Variants in MECOM observed in about 807,000 individuals in gnomAD.
MECOM encodes the protein MDS1 and EVI1 complex locus.
A neutral mutation model predicts 116.3 loss-of-function variants in MECOM; 13 were observed. The ratio of observed to expected loss-of-function variants is 0.11; its 90% CI spans 0.07 to 0.18. MECOM has a LOEUF of 0.18. Among genes scored for constraint, MECOM ranks in the 10% least tolerant of loss-of-function variants. The probability of loss-of-function intolerance (pLI) is 1.00; values close to 1 mark genes in which losing one functional copy is unlikely to be tolerated. For synonymous variants in MECOM, 528 were observed against 535.2 expected, an observed-to-expected ratio of 0.99 and a Z score of 0.19; for missense variants, 1,299 against 1,509.0, an observed-to-expected ratio of 0.86 and a Z score of 2.31.
chr3:169,319,796 G>A (rs921624170), intron 2 of MECOM, among the ~76,000 whole-genome samples: 1 of 152,226 alleles, frequency 6.6e-6, no homozygotes, highest in African/African-American at 2.4e-5. Flanking sequence ...GGGTTGTTGT[G>A]TGAACTAAAT....
chr3:169,402,382 G>A (rs1369141014), intron 1 of MECOM, among the ~76,000 whole-genome samples: 2 of 152,324 alleles, frequency 1.3e-5, no homozygotes, highest in East Asian at 3.9e-4. Context: ...AGACAGTAAT[G>A]AGGCTGCAGA....
chr3:169,527,494 C>T (rs1342287772), intron 1 of MECOM, among the ~76,000 whole-genome samples: 1 of 152,180 alleles, frequency 6.6e-6, no homozygotes, highest in African/African-American at 2.4e-5. Context: ...TAGTATTAAT[C>T]TAAACGTGAT....
chr3:169,554,037 C>G (rs1457067594), intron 1 of MECOM, among the ~76,000 whole-genome samples: 2 of 152,170 alleles, frequency 1.3e-5, no homozygotes, highest in East Asian at 1.9e-4. Flanking sequence ...CCCAGCCTCC[C>G]TTGCATTTAG....
intron 1 of MECOM, among the ~76,000 whole-genome samples, chr3:169,572,788 T>C (rs540627523): frequency 6.7e-6 from 1 of 149,672 alleles, no homozygotes; most frequent in East Asian, 2.0e-4. Context: ...TGAGAACACA[T>C]GGACACAGGG....
At chr3:169,367,847 C>T (rs537146689) in intron 2 of MECOM, among the ~76,000 whole-genome samples, 67 of 152,104 alleles carry the variant, frequency 4.4e-4, no homozygotes, top group African/African-American at 1.5e-3. Context: ...GGTTCCTAGG[C>T]ATGTATATTC....
intron 1 of MECOM, among the ~76,000 whole-genome samples, chr3:169,458,983 CAT>C (rs1248881660): frequency 2.0e-5 from 3 of 152,202 alleles, no homozygotes; most frequent in African/African-American, 7.2e-5. Context: ...AGCATTTAAA[CAT>C]GTCTGAATGA....
intron 1 of MECOM, among the ~76,000 whole-genome samples, chr3:169,651,914 A>C (rs1352242648): frequency 6.6e-6 from 1 of 152,148 alleles, no homozygotes; most frequent in African/African-American, 2.4e-5. Flanking sequence ...TCTGCAGGCA[A>C]TTTATGACAA....
At chr3:169,229,833 C>A (rs866456746) in intron 2 of MECOM, among the ~76,000 whole-genome samples, 23 of 152,074 alleles carry the variant, frequency 1.5e-4, no homozygotes, top group Admixed American at 5.2e-4. Flanking sequence ...TGGGTTATTT[C>A]TCTATTCTTT....
intron 1 of MECOM, among the ~76,000 whole-genome samples, chr3:169,571,157 A>G (rs563980245): frequency 3.3e-5 from 5 of 152,352 alleles, no homozygotes. Context: ...AGGATACAAA[A>G]TCAATGTGCA....
intron 8 of MECOM, among the ~76,000 whole-genome samples, chr3:169,115,086 T>G (rs1560181305): frequency 6.6e-6 from 1 of 152,170 alleles, no homozygotes; most frequent in Admixed American, 6.6e-5. Context: ...ACAATTTACT[T>G]TAAATATGAC....
chr3:169,426,097 T>C (rs1403460561), intron 1 of MECOM, among the ~76,000 whole-genome samples: 2 of 152,156 alleles, frequency 1.3e-5, no homozygotes, highest in African/African-American at 4.8e-5. Context: ...GAAAAATTAA[T>C]GAACAAAATG....
At chr3:169,470,554 T>C (rs1052642668) in intron 1 of MECOM, among the ~76,000 whole-genome samples, 2 of 152,006 alleles carry the variant, frequency 1.3e-5, no homozygotes, top group African/African-American at 2.4e-5. Flanking sequence ...GCAGGAATCA[T>C]GGGGTACAGG....
intron 1 of MECOM, among the ~76,000 whole-genome samples, chr3:169,540,071 T>C (rs2109221612): frequency 6.6e-6 from 1 of 152,202 alleles, no homozygotes; most frequent in Non-Finnish European, 1.5e-5. Context: ...TCATGTACGC[T>C]CTCTCTTCCT....
At chr3:169,329,442 G>A (rs1722375850) in intron 2 of MECOM, among the ~76,000 whole-genome samples, 1 of 152,188 alleles carries the variant, frequency 6.6e-6, no homozygotes, top group Admixed American at 6.5e-5. Flanking sequence ...AAAACTATGT[G>A]GGGAGTGTGG....
At chr3:169,193,878 A>G (rs1748044430) in intron 2 of MECOM, among the ~76,000 whole-genome samples, 1 of 152,038 alleles carries the variant, frequency 6.6e-6, no homozygotes, top group Non-Finnish European at 1.5e-5. Context: ...ATGAATACTA[A>G]TTGAAATTAA....
intron 1 of MECOM, among the ~76,000 whole-genome samples, chr3:169,655,442 G>A (rs1775428297): frequency 6.6e-6 from 1 of 152,070 alleles, no homozygotes; most frequent in South Asian, 2.1e-4. Context: ...CATTCAGGAG[G>A]GATTATTGCC....
intron 2 of MECOM, among the ~76,000 whole-genome samples, chr3:169,264,414 C>A (rs1395050371): frequency 6.6e-6 from 1 of 151,958 alleles, no homozygotes; most frequent in Admixed American, 6.6e-5. Context: ...TTTATTGTAT[C>A]GGTATTTTAG....
intron 1 of MECOM, among the ~76,000 whole-genome samples, chr3:169,608,182 G>T (rs1192638639): frequency 2.0e-5 from 3 of 152,184 alleles, no homozygotes; most frequent in Non-Finnish European, 4.4e-5. Flanking sequence ...GATAACCACA[G>T]TGAGAGCTGA....
At chr3:169,256,941 A>G (rs2149598872) in intron 2 of MECOM, among the ~76,000 whole-genome samples, 1 of 152,324 alleles carries the variant, frequency 6.6e-6, no homozygotes, top group Middle Eastern at 3.4e-3. Flanking sequence ...TTCTGAAATA[A>G]GTTTTAGAAT....
Sources: allele counts gnomAD v4.1 joint callset (sites outside exome capture counted in the v4.1 genomes callset), GRCh38; gene constraint gnomAD v4.1.1; transcripts MANE v1.5; gene names NCBI Gene and HGNC (gene_info 2026-07-23, HGNC 2026-07-21).